TCERG1: variants seen among roughly 807,000 people sequenced by gnomAD.
The protein encoded by TCERG1 is transcription elongation regulator 1, also known as TATA box binding protein (TBP)-associated factor, RNA polymerase II, S, 150kD.
TCERG1 carries 37 observed loss-of-function variants against 144.7 expected under a neutral mutation model. The ratio of observed to expected loss-of-function variants is 0.26; its 90% CI spans 0.20 to 0.34. The LOEUF is 0.34. TCERG1 is among the 10% of genes least tolerant of loss of function. The pLI, the probability that TCERG1 is intolerant of heterozygous loss-of-function variation, is 1.00. For synonymous variants in TCERG1, 492 were observed against 458.2 expected, an observed-to-expected ratio of 1.07 and a Z score of -0.94; for missense variants, 1,027 against 1,380.7, an observed-to-expected ratio of 0.74 and a Z score of 4.06.
intron 5 of TCERG1, 91 bp downstream of exon 5, chr5:146,463,884 C>T: frequency 6.5e-7 from 1 of 1,546,878 alleles, no homozygotes; most frequent in Non-Finnish European, 8.8e-7. Flanking sequence ...TGAAATTTGC[C>T]TTGAATCTCA....
intron 3 of TCERG1, among the ~76,000 whole-genome samples, chr5:146,457,650 C>T (rs576166592): frequency 1.3e-5 from 2 of 152,210 alleles, no homozygotes; most frequent in Non-Finnish European, 2.9e-5. Context: ...TTAGGCACAT[C>T]GAGCCATTCT....
chr5:146,464,745 C>G (rs1001990376), intron 5 of TCERG1, among the ~76,000 whole-genome samples: 1 of 152,158 alleles, frequency 6.6e-6, no homozygotes, highest in Non-Finnish European at 1.5e-5. Flanking sequence ...GGCCTCTTGT[C>G]TCTCAAGTTC....
rs60367472 is a variant in TCERG1 at position 146,487,731 on chromosome 5, CAA to C, written c.2163+4119_2163+4120del. 8.7e-3 allele frequency among the ~76,000 whole-genome samples: 942 copies of C among 107,972 alleles called. 7 individuals carry two copies. The highest frequency in any genetic ancestry group is 0.025 in the African/African-American group (833 of 33,780). 70.8% of individuals were successfully genotyped at this position (107,972 alleles called of 152,430 possible). ...CAGGCAACAGAACAAGACCCTGTTT[CAA>C]AAAAAAAAAAAAAAAATCCTAAAAT... On this transcript the variant is annotated intron_variant, in intron 15 of 22. Transcript: ENST00000679501.
chr5:146,462,025 C>T (rs1189772869), intron 4 of TCERG1: 2 of 152,604 alleles, frequency 1.3e-5, no homozygotes, highest in Non-Finnish European at 2.9e-5. Context: ...AAGGCTAGGT[C>T]TATGCTAGAC....
At chr5:146,464,471 T>TA (rs1174377382) in intron 5 of TCERG1, among the ~76,000 whole-genome samples, 1 of 152,248 alleles carries the variant, frequency 6.6e-6, no homozygotes, top group East Asian at 1.9e-4. Flanking sequence ...TTTAAATTGT[T>TA]ATGGTGAATT....
chr5:146,498,283 C>CT (rs1269332617), intron 16 of TCERG1, among the ~76,000 whole-genome samples: 5 of 151,624 alleles, frequency 3.3e-5, no homozygotes, highest in Non-Finnish European at 7.4e-5. Context: ...ACTCTGTGAT[C>CT]TCTTTCTTTT....
At chr5:146,453,121 A>G (rs559332498) in intron 1 of TCERG1, among the ~76,000 whole-genome samples, 93 of 152,312 alleles carry the variant, frequency 6.1e-4, no homozygotes, top group African/African-American at 2.2e-3. Flanking sequence ...GAAGAGATAG[A>G]TAATACTATC....
chr5:146,469,842 G>T, intron 7 of TCERG1, 98 bp downstream of exon 7: 41 of 898,048 alleles, frequency 4.6e-5, no homozygotes, highest in South Asian at 4.5e-4. Context: ...CATATTTGAG[G>T]GATTTTCTAA....
intron 4 of TCERG1, among the ~76,000 whole-genome samples, chr5:146,462,772 C>G (rs1763449791): frequency 6.6e-6 from 1 of 151,960 alleles, no homozygotes; most frequent in East Asian, 1.9e-4. Context: ...TCAAATGAAA[C>G]CTGTTTATTA....
At chr5:146,500,763 G>A (rs780072330) in intron 17 of TCERG1, among the ~76,000 whole-genome samples, 34 of 152,200 alleles carry the variant, frequency 2.2e-4, no homozygotes, top group Admixed American at 4.6e-4. Flanking sequence ...GCTCATGCCT[G>A]TAATCCCAGC....
At chr5:146,488,495 A>T (rs1167714667) in intron 15 of TCERG1, among the ~76,000 whole-genome samples, 1 of 152,214 alleles carries the variant, frequency 6.6e-6, no homozygotes, top group Non-Finnish European at 1.5e-5. Context: ...ATCACTAATC[A>T]TTGGGGAAAT....
chr5:146,503,761 AT>A, intron 18 of TCERG1, 62 bp from the exon 19 acceptor site: 1 of 1,510,726 alleles, frequency 6.6e-7, no homozygotes, highest in South Asian at 1.4e-5. Flanking sequence ...CAAGCTAGTT[AT>A]TCTGTAAAAA....
At position 146,473,029 on chromosome 5, in the gene TCERG1, A is replaced by G. The variant is rs1340055745; in HGVS notation, c.1601+1453A>G. Among the ~76,000 whole-genome samples the G allele has an allele frequency of 3.9e-5, 6 of 152,236 alleles. No individual in the cohort carries two copies. In the East Asian group the frequency reaches 1.2e-3, roughly 29 times the overall value. On this transcript the variant is annotated intron_variant, in intron 9 of 22. Coordinates refer to ENST00000679501, the MANE Select transcript of TCERG1 (RefSeq NM_001382548.1). ...TGCCCAGCTACATACCTCTCACTTT[A>G]AGTCAAAAACTAAACATGATTAAGC... is the stretch of plus-strand genomic sequence containing the variant.
At chr5:146,493,652 TATTC>T (rs1766623696) in intron 16 of TCERG1, among the ~76,000 whole-genome samples, 2 of 152,100 alleles carry the variant, frequency 1.3e-5, no homozygotes, top group Non-Finnish European at 2.9e-5. Flanking sequence ...TGCATACAGA[TATTC>T]AGTCTTCAGA....
intron 4 of TCERG1, 103 bp downstream of exon 4, chr5:146,459,440 A>G: frequency 6.6e-7 from 1 of 1,505,404 alleles, no homozygotes; most frequent in South Asian, 1.4e-5. Context: ...TTATCCTTTA[A>G]TACCAGAATT....
chr5:146,479,883 C>G lies in TCERG1; in HGVS notation c.1791C>G (p.Ile597Met), dbSNP rs1436070238. The G allele has an allele frequency of 3.7e-6, 6 of 1,613,488 alleles. No homozygotes were observed. The East Asian group carries it at 1.3e-4, about 36-fold the overall frequency. The change falls in exon 11 of 23, where the codon ATC becomes ATG. Residue 597 changes from isoleucine (I) to methionine (M), a missense_variant. Ile to Met is a conservative substitution (Grantham distance 10, BLOSUM62 1). This residue lies in a region of TCERG1 where 482 missense variants were observed against 632.6 expected (regional missense o/e 0.76). Transcript: ENST00000679501. The stretch of plus-strand genomic sequence containing the variant: ...ACCCAACTCCGACAATGCTGTCGAT[C>G]CAAAAGTGGCAATTCTCTATGAGTG... Reference protein sequence around the residue: ...LRHPTPTMLSIQKWQFSMSAI... With the variant: ...LRHPTPTMLSMQKWQFSMSAI...
At chr5:146,472,225 A>G (rs1764383911) in intron 9 of TCERG1, among the ~76,000 whole-genome samples, 1 of 152,152 alleles carries the variant, frequency 6.6e-6, no homozygotes, top group Non-Finnish European at 1.5e-5. Flanking sequence ...ATGTCTTTCA[A>G]TCTAAGTATG....
At chr5:146,468,742 G>A (rs1764013942) in intron 6 of TCERG1, among the ~76,000 whole-genome samples, 1 of 152,108 alleles carries the variant, frequency 6.6e-6, no homozygotes, top group Non-Finnish European at 1.5e-5. Context: ...ACATTTCCAT[G>A]TGTAAAGTGA....
intron 1 of TCERG1, among the ~76,000 whole-genome samples, chr5:146,451,136 A>G (rs1183789353): frequency 6.6e-6 from 1 of 152,216 alleles, no homozygotes; most frequent in East Asian, 1.9e-4. Flanking sequence ...AGGCAGATGG[A>G]AAGAAAATCT....
Sources: allele counts gnomAD v4.1 joint callset (sites outside exome capture counted in the v4.1 genomes callset), GRCh38; gene constraint gnomAD v4.1.1; regional missense constraint gnomAD v4.1.1; transcripts MANE v1.5; gene names NCBI Gene and HGNC (gene_info 2026-07-23, HGNC 2026-07-21).